LRCH1: variants seen among roughly 807,000 people sequenced by gnomAD.
The protein encoded by LRCH1 is leucine-rich repeat and calponin homology domain-containing protein 1.
In LRCH1, 23 loss-of-function variants were observed where a neutral mutation model predicts 94.9. The observed-to-expected ratio is 0.24, with a 90% CI of 0.17 to 0.34. The LOEUF is 0.34. Ranked by LOEUF, LRCH1 falls within the 10% of genes least tolerant of loss-of-function variation. The pLI, the probability that LRCH1 is intolerant of heterozygous loss-of-function variation, is 1.00. For synonymous variants in LRCH1, 364 were observed against 354.9 expected (o/e 1.03, Z -0.29); for missense variants, 790 against 945.9 (o/e 0.84, Z 2.16).
intron 16 of LRCH1, 73 bp from the exon 17 acceptor site, chr13:46,723,148 G>A (rs1353984709): frequency 5.3e-6 from 4 of 748,126 alleles, no homozygotes; most frequent in East Asian, 5.3e-5. Context: ...TTAAAATACT[G>A]TTTGATTTTA....
At chr13:46,635,153 T>C (rs1231203500) in intron 1 of LRCH1, among the ~76,000 whole-genome samples, 4 of 152,208 alleles carry the variant, frequency 2.6e-5, no homozygotes, top group Non-Finnish European at 2.9e-5. Context: ...GGCCTTACTT[T>C]CAATTCATAT....
chr13:46,650,264 T>C lies in LRCH1; in HGVS notation c.371T>C (p.Ile124Thr). Residue 124 changes from isoleucine (I) to threonine (T), a missense_variant, in exon 2 of 20, where the codon ATT (isoleucine) becomes ACT (threonine). By Grantham distance (89) the Ile-to-Thr change is moderately conservative (BLOSUM62 -1). This residue lies in a region of LRCH1 where 194 missense variants were observed against 293.5 expected (regional missense o/e 0.66). Transcript: ENST00000389797. Reference sequence around the variant, plus strand: ...TTGTGCCATTTTGTATCACTGGAAATTCTTAATCTGTATCACAACTGTATC... The same window carrying C: ...TTGTGCCATTTTGTATCACTGGAAACTCTTAATCTGTATCACAACTGTATC... Reference protein sequence around the residue: ...MELCHFVSLEILNLYHNCIRV... With the variant: ...MELCHFVSLETLNLYHNCIRV... The C allele has an allele frequency of 6.2e-7, 1 of 1,613,018 alleles. No homozygotes were observed. The highest frequency in any genetic ancestry group is 8.5e-7 in the Non-Finnish European group (1 of 1,179,288).
chr13:46,699,040 A>T (rs1871335081), intron 9 of LRCH1, among the ~76,000 whole-genome samples: 2 of 152,240 alleles, frequency 1.3e-5, no homozygotes, highest in African/African-American at 4.8e-5. Flanking sequence ...ATATAAGTGT[A>T]ATCAGTACAG....
chr13:46,562,945 A>T (rs746783202), intron 1 of LRCH1, among the ~76,000 whole-genome samples: 2 of 152,022 alleles, frequency 1.3e-5, no homozygotes, highest in Non-Finnish European at 2.9e-5. Flanking sequence ...CCCCTCCTCC[A>T]TCTCTCATAG....
chr13:46,714,657 A>G (rs1872229886), intron 15 of LRCH1, among the ~76,000 whole-genome samples: 2 of 152,208 alleles, frequency 1.3e-5, no homozygotes, highest in African/African-American at 4.8e-5. Context: ...ACAACTGCAC[A>G]CACCCAAATA....
At chr13:46,648,133 G>A (rs1435023533) in intron 1 of LRCH1, among the ~76,000 whole-genome samples, 3 of 152,146 alleles carry the variant, frequency 2.0e-5, no homozygotes, top group African/African-American at 7.2e-5. Context: ...CATCTGAGGG[G>A]GATGGGAGAC....
intron 17 of LRCH1, 87 bp from the exon 18 acceptor site, chr13:46,728,760 C>G (rs923396250): frequency 1.9e-5 from 24 of 1,244,710 alleles, no homozygotes; most frequent in Non-Finnish European, 2.5e-5. Context: ...AAATTAGTGC[C>G]TCAGTTCATA....
chr13:46,661,240 G>A (rs1402312646), intron 2 of LRCH1, among the ~76,000 whole-genome samples: 1 of 152,104 alleles, frequency 6.6e-6, no homozygotes, highest in African/African-American at 2.4e-5. Context: ...GAACACAGAG[G>A]CACTCACTAG....
rs1872270381 is a variant in LRCH1 at position 46,715,417 on chromosome 13, A to G, written c.1655-143A>G. 1.4e-5 allele frequency: 9 copies of G among 620,870 alleles called. No individual in the cohort carries two copies. In the South Asian group the frequency reaches 1.5e-4, roughly 10 times the overall value. The allele number at this position is 620,870 out of a possible 1,614,324, so 38.5% of individuals were successfully genotyped here. A position where few individuals can be genotyped will look rare whatever the true frequency, so the allele number is the denominator to read the frequency against. On this transcript the variant is annotated intron_variant, in intron 15 of 19. Coordinates refer to ENST00000389797, the MANE Select transcript of LRCH1 (RefSeq NM_001164211.2). Reference sequence around the variant, plus strand: ...CTTTCATTCTTCTCCTATATTGTGCATTTGAAATTAAACCCCATATAAATG... The same window carrying G: ...CTTTCATTCTTCTCCTATATTGTGCGTTTGAAATTAAACCCCATATAAATG...
intron 1 of LRCH1, among the ~76,000 whole-genome samples, chr13:46,591,457 A>C (rs1399633110): frequency 1.3e-5 from 2 of 152,236 alleles, no homozygotes; most frequent in Non-Finnish European, 2.9e-5. Flanking sequence ...ACTTTAATCA[A>C]ATTTGAAGAA....
intron 1 of LRCH1, among the ~76,000 whole-genome samples, chr13:46,630,499 T>C (rs2051005433): frequency 6.6e-6 from 1 of 152,246 alleles, no homozygotes; most frequent in African/African-American, 2.4e-5. Flanking sequence ...CTTTCTTATT[T>C]CAGTCTGACC....
At chr13:46,582,445 C>T (rs1401522581) in intron 1 of LRCH1, among the ~76,000 whole-genome samples, 43 of 114,622 alleles carry the variant, frequency 3.8e-4, no homozygotes, top group African/African-American at 1.5e-3. Flanking sequence ...TCTATGGTTG[C>T]TTTTGAGTTC....
chr13:46,686,071 C>T (rs777786439), intron 5 of LRCH1, 30 bp downstream of exon 5: 2 of 1,487,696 alleles, frequency 1.3e-6, no homozygotes, highest in South Asian at 3.0e-5. Context: ...AGCCAATGCC[C>T]CATGGGATGT....
chr13:46,694,104 A>G (rs1036865205), intron 8 of LRCH1, among the ~76,000 whole-genome samples: 2 of 152,240 alleles, frequency 1.3e-5, no homozygotes, highest in African/African-American at 4.8e-5. Flanking sequence ...AGTTAGTAAT[A>G]TTATACACTG....
chr13:46,577,653 G>A (rs2050318880), intron 1 of LRCH1, among the ~76,000 whole-genome samples: 1 of 152,162 alleles, frequency 6.6e-6, no homozygotes, highest in South Asian at 2.1e-4. Flanking sequence ...TTTTTTTGTA[G>A]CATGAGTGAG....
chr13:46,617,134 A>G (rs1445805262), intron 1 of LRCH1, among the ~76,000 whole-genome samples: 1 of 152,140 alleles, frequency 6.6e-6, no homozygotes, highest in Non-Finnish European at 1.5e-5. Context: ...AGGCCTGACA[A>G]TAACACAGTG....
intron 1 of LRCH1, among the ~76,000 whole-genome samples, chr13:46,587,517 A>G (rs1206300214): frequency 6.6e-6 from 1 of 152,232 alleles, no homozygotes; most frequent in Non-Finnish European, 1.5e-5. Context: ...AGAGTACTGG[A>G]ACATAATTGT....
intron 2 of LRCH1, among the ~76,000 whole-genome samples, chr13:46,666,672 C>T (rs1209948732): frequency 2.0e-5 from 3 of 152,136 alleles, no homozygotes; most frequent in African/African-American, 4.8e-5. Flanking sequence ...TTTTATTTGC[C>T]GATCCTCACT....
chr13:46,675,683 G>A (rs570078803), intron 3 of LRCH1, among the ~76,000 whole-genome samples: 17 of 152,236 alleles, frequency 1.1e-4, no homozygotes, highest in African/African-American at 3.9e-4. Flanking sequence ...AGATAACAGC[G>A]GAGGCATAAA....
Sources: allele counts gnomAD v4.1 joint callset (sites outside exome capture counted in the v4.1 genomes callset), GRCh38; gene constraint gnomAD v4.1.1; regional missense constraint gnomAD v4.1.1; transcripts MANE v1.5; gene names NCBI Gene and HGNC (gene_info 2026-07-23, HGNC 2026-07-21).